PTPRD: variants seen among roughly 807,000 people sequenced by gnomAD.
PTPRD encodes protein tyrosine phosphatase receptor type D, also known as receptor-type tyrosine-protein phosphatase delta.
PTPRD carries 34 observed loss-of-function variants against 214.5 expected under a neutral mutation model. The observed-to-expected ratio is 0.16, with a 90% confidence interval of 0.12 to 0.21. The LOEUF (loss-of-function observed/expected upper bound fraction) is 0.21. Among genes scored for constraint, PTPRD ranks in the 10% least tolerant of loss-of-function variants. The pLI, the probability that PTPRD is intolerant of heterozygous loss-of-function variation, is 1.00. For missense variants in PTPRD, 2,545 were observed against 2,398.7 expected (o/e 1.06, Z -1.27); for synonymous variants, 1,128 against 845.7 (o/e 1.33, Z -5.79).
intron 11 of PTPRD, among the ~76,000 whole-genome samples, chr9:8,961,329 G>A (rs1279381282): frequency 6.6e-6 from 1 of 152,080 alleles, no homozygotes; most frequent in Non-Finnish European, 1.5e-5. Context: ...AGTAAATCAA[G>A]CCAAAGGCCA....
chr9:10,252,633 CTGTT>C (rs574937219), intron 3 of PTPRD, among the ~76,000 whole-genome samples: 86 of 152,032 alleles, frequency 5.7e-4, no homozygotes, highest in South Asian at 3.1e-3. Context: ...TTTTAAGAAA[CTGTT>C]TGGGGATGAT....
Position 8,618,080 on chromosome 9 carries a change from C to T in PTPRD, c.352+15237G>A, listed in dbSNP as rs77939905. Among the ~76,000 whole-genome samples the T allele has an allele frequency of 5.0e-3, 765 of 152,236 alleles. 20 individuals are homozygous for T. The East Asian group carries it at 0.056, about 11-fold the overall frequency. ...GAGTAGAACTGTGAGGATCTTCTCA[C>T]TGCTGCTTTCCGCAGTCTTAATTTG... On this transcript the variant is annotated intron_variant, in intron 14 of 45. Transcript: ENST00000381196.
chr9:9,359,818 G>A (rs1053717197), intron 9 of PTPRD, among the ~76,000 whole-genome samples: 1 of 151,260 alleles, frequency 6.6e-6, no homozygotes, highest in East Asian at 2.0e-4. Context: ...TGTACGGAGT[G>A]CCTGCTGCGT....
At chr9:8,743,156 C>T (rs966600515) in intron 11 of PTPRD, among the ~76,000 whole-genome samples, 52 of 149,554 alleles carry the variant, frequency 3.5e-4, no homozygotes, top group Non-Finnish European at 5.5e-4. Flanking sequence ...ACATTGCTTT[C>T]TAAACCCACC....
intron 2 of PTPRD, among the ~76,000 whole-genome samples, chr9:10,432,321 G>C (rs2098687986): frequency 6.7e-6 from 1 of 149,846 alleles, no homozygotes. Flanking sequence ...AGCATTGGGA[G>C]ATATACCTAA....
intron 7 of PTPRD, among the ~76,000 whole-genome samples, chr9:9,652,653 T>C (rs906595995): frequency 4.6e-5 from 7 of 151,950 alleles, no homozygotes; most frequent in African/African-American, 1.7e-4. Context: ...TCACTCTTTT[T>C]GCCCAGGCTG....
At chr9:9,540,644 G>T (rs984717025) in intron 8 of PTPRD, among the ~76,000 whole-genome samples, 31 of 151,884 alleles carry the variant, frequency 2.0e-4, no homozygotes, top group African/African-American at 7.2e-4. Flanking sequence ...TTAAAATCCT[G>T]TGGTAAAAAA....
intron 3 of PTPRD, among the ~76,000 whole-genome samples, chr9:10,226,386 C>T (rs1284485716): frequency 2.6e-5 from 4 of 151,974 alleles, no homozygotes; most frequent in Admixed American, 6.6e-5. Context: ...CCAGTTTCCT[C>T]TCCAGGTGGA....
At chr9:10,379,001 T>A (rs1281813403) in intron 2 of PTPRD, among the ~76,000 whole-genome samples, 1 of 151,976 alleles carries the variant, frequency 6.6e-6, no homozygotes, top group Non-Finnish European at 1.5e-5. Flanking sequence ...TTCCTTGATG[T>A]TTTATAGTTT....
intron 4 of PTPRD, among the ~76,000 whole-genome samples, chr9:10,006,621 G>C (rs116559397): frequency 6.6e-6 from 1 of 151,870 alleles, no homozygotes; most frequent in Non-Finnish European, 1.5e-5. Flanking sequence ...ACTGAGCAGG[G>C]TGTGTCCCTA....
intron 14 of PTPRD, among the ~76,000 whole-genome samples, chr9:8,549,390 G>C (rs956633025): frequency 7.2e-5 from 11 of 152,142 alleles, no homozygotes; most frequent in African/African-American, 2.7e-4. Context: ...GTCAAGATTT[G>C]TGTTTCTCTC....
At chr9:8,877,545 A>G (rs1230535621) in intron 11 of PTPRD, among the ~76,000 whole-genome samples, 3 of 152,092 alleles carry the variant, frequency 2.0e-5, no homozygotes, top group Admixed American at 1.3e-4. Context: ...TCTTTTTGTT[A>G]TTTTGGTCTT....
At chr9:9,992,677 A>G (rs7048694) in intron 4 of PTPRD, among the ~76,000 whole-genome samples, 107,475 of 151,984 alleles carry the variant, frequency 0.71, 38,300 homozygotes, top group Middle Eastern at 0.78. Flanking sequence ...GGAAACCATC[A>G]TTACGAGCAA....
At chr9:8,526,551 G>T in intron 17 of PTPRD, 76 bp downstream of exon 17, 1 of 1,331,852 alleles carries the variant, frequency 7.5e-7, no homozygotes, top group Non-Finnish European at 1.0e-6. Context: ...GCTGAAAACA[G>T]GACAAAGATG....
At chr9:10,101,116 A>T (rs975968916) in intron 3 of PTPRD, among the ~76,000 whole-genome samples, 3 of 151,572 alleles carry the variant, frequency 2.0e-5, no homozygotes, top group Admixed American at 6.6e-5. Flanking sequence ...GGACTGACTG[A>T]AAGTTTCTCC....
chr9:9,520,816 A>T (rs2096953641), intron 8 of PTPRD, among the ~76,000 whole-genome samples: 1 of 152,188 alleles, frequency 6.6e-6, no homozygotes, highest in East Asian at 1.9e-4. Context: ...TACGAGTCGT[A>T]GAATCAAGGG....
chr9:10,033,022 G>C (rs1328461387), intron 4 of PTPRD, among the ~76,000 whole-genome samples: 1 of 151,562 alleles, frequency 6.6e-6, no homozygotes, highest in Admixed American at 6.6e-5. Context: ...TACATGAATT[G>C]GGAAAGTTGA....
chr9:8,343,127 G>T (rs914624607), intron 39 of PTPRD, among the ~76,000 whole-genome samples: 3 of 150,524 alleles, frequency 2.0e-5, no homozygotes, highest in African/African-American at 7.3e-5. Flanking sequence ...GTATCATAGT[G>T]GCTGCAAGGC....
chr9:8,354,660 A>C (rs2076521271), intron 39 of PTPRD, among the ~76,000 whole-genome samples: 1 of 152,186 alleles, frequency 6.6e-6, no homozygotes, highest in Non-Finnish European at 1.5e-5. Context: ...AGTTGCATAT[A>C]TTTACAGGCT....
Sources: gnomAD v4.1 joint callset for allele counts (sites outside exome capture counted in the v4.1 genomes callset) on GRCh38, gnomAD v4.1.1 for gene constraint, MANE v1.5 for transcripts, NCBI Gene and HGNC (gene_info 2026-07-23, HGNC 2026-07-21) for gene names.